The following BORCS5 variants were observed in gnomAD, a reference collection of about 807,000 sequenced individuals.
BORCS5 encodes BLOC-1 related complex subunit 5.
A neutral mutation model predicts 22.1 loss-of-function variants in BORCS5; 17 were observed. That is an observed-to-expected ratio of 0.77 (90% CI 0.53 to 1.15). BORCS5 has a LOEUF of 1.15. Ranked by LOEUF, BORCS5 falls within the 50% of genes most tolerant of loss-of-function variation. The pLI, the probability that BORCS5 is intolerant of heterozygous loss-of-function variation, is 0.00. For synonymous variants in BORCS5, 117 were observed against 99.8 expected, an observed-to-expected ratio of 1.17 and a Z score of -1.03; for missense variants, 247 against 253.2, an observed-to-expected ratio of 0.98 and a Z score of 0.17.
At chr12:12,397,785 C>T (rs1437297887) in intron 2 of BORCS5, among the ~76,000 whole-genome samples, 5 of 152,132 alleles carry the variant, frequency 3.3e-5, no homozygotes, top group African/African-American at 9.7e-5. Context: ...AAGTGTTAAG[C>T]GTGAAGTAGT....
At position 12,465,595 on chromosome 12, in the gene BORCS5, A is replaced by G; in HGVS notation, c.410A>G (p.Lys137Arg). 1 of 1,614,276 alleles carries G rather than the reference A, an allele frequency of 6.2e-7. No individual in the cohort carries two copies. Among genetic ancestry groups the G allele is most frequent in the Non-Finnish European group, 8.5e-7 (1 of 1,180,042 alleles). The change falls in exon 4 of 4, where the codon AAA becomes AGA. Residue 137 changes from lysine (K) to arginine (R), a missense_variant. Lys to Arg is a conservative substitution (Grantham distance 26). Transcript: ENST00000314565. The part of the protein sequence containing the change: ...TLFSFMQERQ[K>R]RYAKYAEQIQ... ...TTCAGCTTCATGCAGGAGCGCCAGAAAAGATACGCCAAGTATGCCGAGCAG... is the reference window on the plus strand; with the variant it reads ...TTCAGCTTCATGCAGGAGCGCCAGAGAAGATACGCCAAGTATGCCGAGCAG...
chr12:12,422,396 C>G (rs528612297), intron 2 of BORCS5, among the ~76,000 whole-genome samples: 1 of 151,952 alleles, frequency 6.6e-6, no homozygotes, highest in South Asian at 2.1e-4. Flanking sequence ...GGCAGATCAC[C>G]TGAGGTCAGG....
At position 12,430,151 on chromosome 12, in the gene BORCS5, A is replaced by AT. The variant is rs71061068; in HGVS notation, c.203-5460dup. On this transcript the variant is annotated intron_variant, in intron 2 of 3. Coordinates refer to ENST00000314565, the MANE Select transcript of BORCS5 (RefSeq NM_058169.6). Reference sequence around the variant, plus strand: ...TACCACTTTAATCACCTTAGAGAAAATTTTTTTTTTTTTTTTTGAGACAGA... The same window carrying AT: ...TACCACTTTAATCACCTTAGAGAAAATTTTTTTTTTTTTTTTTTGAGACAGA... 1.1e-3 allele frequency among the ~76,000 whole-genome samples: 119 copies of AT among 107,744 alleles called. 3 individuals are homozygous for AT. Among genetic ancestry groups the AT allele is most frequent in the South Asian group, 3.7e-3 (14 of 3,830 alleles). The allele number at this position is 107,744 out of a possible 152,430, so 70.7% of individuals were successfully genotyped here.
chr12:12,461,862 C>T (rs1431875529), intron 3 of BORCS5, among the ~76,000 whole-genome samples: 2 of 152,112 alleles, frequency 1.3e-5, no homozygotes, highest in Non-Finnish European at 2.9e-5. Flanking sequence ...GGTTTTGAGG[C>T]AAGAGTTGTG....
In BORCS5 at chr12:12,467,727, C is replaced by A. The variant is rs1047668538; in HGVS notation, c.*1951C>A. ...AAACTGAACTGTGTTCCCAGAATTC[C>A]CTTCCTTGTTTGTTTCTCTGGTGAG... On this transcript the variant is annotated 3_prime_UTR_variant, in exon 4 of 4. Transcript: ENST00000314565. The A allele has an allele frequency of 1.3e-5, 2 of 152,226 alleles. No individual in the cohort carries two copies. The highest frequency in any genetic ancestry group is 2.9e-5 in the Non-Finnish European group (2 of 68,076). The allele number at this position is 152,226 out of a possible 1,614,324, so 9.4% of individuals were successfully genotyped here. A position where few individuals can be genotyped will look rare whatever the true frequency, so the allele number is the denominator to read the frequency against.
chr12:12,415,696 T>G (rs1325843777), intron 2 of BORCS5, among the ~76,000 whole-genome samples: 1 of 152,018 alleles, frequency 6.6e-6, no homozygotes, highest in Non-Finnish European at 1.5e-5. Context: ...TCATGGTGTA[T>G]AATCCTTTTA....
chr12:12,404,726 A>G (rs918299599), intron 2 of BORCS5, among the ~76,000 whole-genome samples: 6 of 152,076 alleles, frequency 3.9e-5, no homozygotes, highest in Admixed American at 1.3e-4. Context: ...TTTTTGTGAC[A>G]CAGTCTCTGT....
At chr12:12,407,154 A>C (rs1037984960) in intron 2 of BORCS5, among the ~76,000 whole-genome samples, 2 of 152,208 alleles carry the variant, frequency 1.3e-5, no homozygotes, top group African/African-American at 4.8e-5. Context: ...TCTCACTTTG[A>C]ATATATTCCT....
chr12:12,453,854 C>G (rs1160516021), intron 3 of BORCS5, among the ~76,000 whole-genome samples: 1 of 152,148 alleles, frequency 6.6e-6, no homozygotes, highest in Middle Eastern at 3.2e-3. Context: ...ATTCCCCTAT[C>G]CCCTGGCAAC....
intron 3 of BORCS5, among the ~76,000 whole-genome samples, chr12:12,459,667 C>G (rs1262715313): frequency 1.3e-5 from 2 of 152,168 alleles, no homozygotes; most frequent in Non-Finnish European, 2.9e-5. Flanking sequence ...GTTTTAGCTT[C>G]CATATTTAGG....
At chr12:12,459,899 G>A (rs1943071729) in intron 3 of BORCS5, among the ~76,000 whole-genome samples, 1 of 152,156 alleles carries the variant, frequency 6.6e-6, no homozygotes, top group Non-Finnish European at 1.5e-5. Flanking sequence ...TTATGGATCT[G>A]TGTGTCTCTA....
At chr12:12,413,346 A>G (rs1276163508) in intron 2 of BORCS5, among the ~76,000 whole-genome samples, 75 of 139,356 alleles carry the variant, frequency 5.4e-4, no homozygotes, top group African/African-American at 2.0e-3. Context: ...CCCTTAATCC[A>G]TTTAACCCTG....
chr12:12,418,678 C>T lies in BORCS5; in HGVS notation c.203-16950C>T, dbSNP rs528039985. ...CTACAGCCTGGGTAACAGCGTGAGACTCTCTTTCAGTATAGCTCTTTTGGT... is the reference window on the plus strand; with the variant it reads ...CTACAGCCTGGGTAACAGCGTGAGATTCTCTTTCAGTATAGCTCTTTTGGT... On this transcript the variant is annotated intron_variant, in intron 2 of 3. Coordinates refer to ENST00000314565, the MANE Select transcript of BORCS5 (RefSeq NM_058169.6). Among the ~76,000 whole-genome samples the T allele has an allele frequency of 2.9e-4, 44 of 152,240 alleles. No individual in the cohort carries two copies. The Middle Eastern group carries it at 0.014, about 47-fold the overall frequency.
At chr12:12,394,224 G>A (rs966893320) in intron 2 of BORCS5, among the ~76,000 whole-genome samples, 2 of 151,924 alleles carry the variant, frequency 1.3e-5, no homozygotes, top group African/African-American at 4.8e-5. Flanking sequence ...TACTCGGGAG[G>A]CTGAGGCAGG....
intron 2 of BORCS5, among the ~76,000 whole-genome samples, chr12:12,426,076 T>TC (rs1176808574): frequency 6.6e-6 from 1 of 152,220 alleles, no homozygotes; most frequent in Non-Finnish European, 1.5e-5. Flanking sequence ...TCCCTCAACA[T>TC]CACACAGGTT....
At chr12:12,405,214 T>A (rs935965937) in intron 2 of BORCS5, among the ~76,000 whole-genome samples, 1 of 152,210 alleles carries the variant, frequency 6.6e-6, no homozygotes, top group African/African-American at 2.4e-5. Context: ...GTGTTGCTAC[T>A]GAAAACATCT....
intron 3 of BORCS5, among the ~76,000 whole-genome samples, chr12:12,453,080 G>A (rs1942941355): frequency 6.6e-6 from 1 of 152,178 alleles, no homozygotes; most frequent in African/African-American, 2.4e-5. Flanking sequence ...TTGCAAACTG[G>A]AAGAAAGGTC....
intron 3 of BORCS5, among the ~76,000 whole-genome samples, chr12:12,449,167 A>G (rs558024006): frequency 1.3e-5 from 2 of 152,122 alleles, no homozygotes; most frequent in Admixed American, 1.3e-4. Context: ...TAGGAGCTTC[A>G]TCCTTCCCCA....
intron 2 of BORCS5, among the ~76,000 whole-genome samples, chr12:12,432,580 A>T (rs1035451548): frequency 6.6e-6 from 1 of 152,242 alleles, no homozygotes; most frequent in African/African-American, 2.4e-5. Context: ...ATGACTGCTC[A>T]CAGCAGACTT....
Sources: gnomAD v4.1 joint callset for allele counts (sites outside exome capture counted in the v4.1 genomes callset) on GRCh38, gnomAD v4.1.1 for gene constraint, MANE v1.5 for transcripts, NCBI Gene and HGNC (gene_info 2026-07-23, HGNC 2026-07-21) for gene names.